EHF: variants seen among roughly 807,000 people sequenced by gnomAD.
EHF encodes the protein ETS homologous factor.
A neutral mutation model predicts 45.1 loss-of-function variants in EHF; 14 were observed. The observed-to-expected ratio is 0.31, with a 90% CI of 0.21 to 0.49. The LOEUF is 0.49. Among genes scored for constraint, EHF ranks in the 20% least tolerant of loss-of-function variants. EHF has a pLI of 0.99. For missense variants in EHF, 282 were observed against 371.4 expected (o/e 0.76, Z 1.98); for synonymous variants, 136 against 131.8 (o/e 1.03, Z -0.22).
At chr11:34,624,191 T>G in intron 1 of EHF, 1 of 769,072 alleles carries the variant, frequency 1.3e-6, no homozygotes, top group Non-Finnish European at 1.6e-6. Context: ...TGACACTCAT[T>G]TCTGTTGTGG....
intron 2 of EHF, among the ~76,000 whole-genome samples, 168 bp from the exon 3 acceptor site, chr11:34,646,271 G>T (rs1259143368): frequency 6.6e-6 from 1 of 152,068 alleles, no homozygotes. Context: ...TAGGTAGCAG[G>T]CTAGGGAGGA....
chr11:34,640,022 C>CT (rs72277773), intron 1 of EHF, among the ~76,000 whole-genome samples: 27,102 of 145,900 alleles, frequency 0.19, 2,618 homozygotes, highest in East Asian at 0.37. Flanking sequence ...TTATTAAATT[C>CT]TTTTTTTTTT....
At chr11:34,624,339 G>T (rs962333411) in intron 1 of EHF, 1 of 985,196 alleles carries the variant, frequency 1.0e-6, no homozygotes, top group Non-Finnish European at 1.2e-6. Flanking sequence ...CTGCGGCGGG[G>T]ATTGCCATCT....
intron 6 of EHF, among the ~76,000 whole-genome samples, chr11:34,656,177 C>T (rs1413942406): frequency 6.6e-6 from 1 of 152,116 alleles, no homozygotes; most frequent in Non-Finnish European, 1.5e-5. Flanking sequence ...CCATCATCTC[C>T]TCTTTGGTAA....
chr11:34,626,623 C>A (rs1212272119), intron 1 of EHF, among the ~76,000 whole-genome samples: 1 of 152,178 alleles, frequency 6.6e-6, no homozygotes, highest in Non-Finnish European at 1.5e-5. Context: ...CTTGATCATG[C>A]CCACTTAGAA....
chr11:34,635,837 G>T (rs12225612), intron 1 of EHF, among the ~76,000 whole-genome samples: 1 of 151,850 alleles, frequency 6.6e-6, no homozygotes, highest in Non-Finnish European at 1.5e-5. Flanking sequence ...GTGAGAGGAA[G>T]AGGGACAGGA....
Position 34,637,975 on chromosome 11 carries a change from C to T in EHF, c.-3-4653C>T, listed in dbSNP as rs569094722. 1.4e-4 allele frequency among the ~76,000 whole-genome samples: 21 copies of T among 151,100 alleles called. No homozygotes were observed. In the South Asian group the frequency reaches 1.9e-3, roughly 14 times the overall value. On this transcript the variant is annotated intron_variant, in intron 1 of 8. Coordinates refer to ENST00000257831, the MANE Select transcript of EHF (RefSeq NM_012153.6). ...GGAGTACAGTGGCTCGAGCTCGGCTCGCTGCAACCTCTGACTCCTGGGTTC... is the reference window on the plus strand; with the variant it reads ...GGAGTACAGTGGCTCGAGCTCGGCTTGCTGCAACCTCTGACTCCTGGGTTC...
At chr11:34,649,986 T>C (rs143662560) in intron 4 of EHF, among the ~76,000 whole-genome samples, 1 of 152,354 alleles carries the variant, frequency 6.6e-6, no homozygotes, top group Non-Finnish European at 1.5e-5. Context: ...CAATAGCTGC[T>C]AAGCATGCAA....
intron 4 of EHF, 109 bp downstream of exon 4, chr11:34,649,190 G>A (rs1424223879): frequency 2.6e-6 from 3 of 1,151,898 alleles, no homozygotes; most frequent in Non-Finnish European, 2.5e-6. Context: ...AGGAAACACA[G>A]GGAGGCCTTT....
intron 1 of EHF, among the ~76,000 whole-genome samples, chr11:34,625,284 A>T (rs960910847): frequency 2.0e-5 from 3 of 152,126 alleles, no homozygotes; most frequent in African/African-American, 7.2e-5. Context: ...CATGTGTCTC[A>T]AGCTGGTGGG....
At chr11:34,637,321 C>T (rs1308316769) in intron 1 of EHF, among the ~76,000 whole-genome samples, 2 of 152,160 alleles carry the variant, frequency 1.3e-5, no homozygotes, top group African/African-American at 2.4e-5. Flanking sequence ...CGAAGCAAGC[C>T]TGGAGAAGCA....
chr11:34,644,258 G>A (rs1294640958), intron 2 of EHF, among the ~76,000 whole-genome samples: 1 of 152,180 alleles, frequency 6.6e-6, no homozygotes, highest in African/African-American at 2.4e-5. Context: ...TACTGTCATA[G>A]CAACACAATT....
rs144282333 is a variant in EHF, at chr11:34,636,255, A to T, written c.-3-6373A>T. Among the ~76,000 whole-genome samples, 39 of 152,316 alleles carry T rather than the reference A, an allele frequency of 2.6e-4. No homozygotes were observed. In the East Asian group the frequency reaches 7.3e-3, roughly 29 times the overall value. On this transcript the variant is annotated intron_variant, in intron 1 of 8. Coordinates refer to ENST00000257831, the MANE Select transcript of EHF (RefSeq NM_012153.6). ...TTGTTGTCTTTCGACAACACTTTTC[A>T]TGTCATCTCTACTTTATAGATGAGG...
At chr11:34,622,419 A>AAAGATGTGTTGATAGTCTTTCAATGTGT (rs1477523589) in intron 1 of EHF, 1 of 1,285,162 alleles carries the variant, frequency 7.8e-7, no homozygotes. Context: ...CCATGGAGGT[A>AAAGATGTGTTGATAGTCTTTCAATGTGT]AAGATGTGTT....
intron 1 of EHF, 158 bp from the exon 2 acceptor site, chr11:34,642,470 T>G (rs1432036369): frequency 1.0e-4 from 58 of 554,892 alleles, no homozygotes; most frequent in Non-Finnish European, 1.8e-4. Flanking sequence ...TGCTGTGAGT[T>G]TTGCTTTTAC....
chr11:34,648,381 G>A (rs1447437529), intron 3 of EHF, among the ~76,000 whole-genome samples: 2 of 151,406 alleles, frequency 1.3e-5, no homozygotes, highest in Non-Finnish European at 2.9e-5. Context: ...ACATATATAT[G>A]CTTTTATATA....
At chr11:34,652,218 C>T (rs373402696) in intron 6 of EHF, among the ~76,000 whole-genome samples, 7 of 152,100 alleles carry the variant, frequency 4.6e-5, no homozygotes, top group Admixed American at 2.0e-4. Context: ...TTCAAAGGTC[C>T]GTGAACCTGT....
chr11:34,647,011 G>T, intron 3 of EHF: 3 of 317,812 alleles, frequency 9.4e-6, no homozygotes, highest in Non-Finnish European at 1.1e-5. Flanking sequence ...AAACAGTCCA[G>T]TCACTTGCTT....
intron 6 of EHF, among the ~76,000 whole-genome samples, chr11:34,652,426 C>G (rs1855259731): frequency 6.6e-6 from 1 of 152,202 alleles, no homozygotes; most frequent in Non-Finnish European, 1.5e-5. Context: ...TATCCATGCT[C>G]CTTAACCAAG....
Sources: allele counts gnomAD v4.1 joint callset (sites outside exome capture counted in the v4.1 genomes callset), GRCh38; gene constraint gnomAD v4.1.1; transcripts MANE v1.5; gene names NCBI Gene and HGNC (gene_info 2026-07-23, HGNC 2026-07-21).